The following LMF1 variants were observed in gnomAD, a reference collection of about 807,000 sequenced individuals.
LMF1 encodes the protein transmembrane protein 112.
Under a neutral mutation model 60.6 loss-of-function variants are expected in LMF1, and 68 were observed. The observed-to-expected ratio is 1.12, with a 90% CI of 0.92 to 1.37. LMF1 has a LOEUF of 1.37. Ranked by LOEUF, LMF1 falls within the 40% of genes most tolerant of loss-of-function variation. The pLI is 0.00. For missense variants in LMF1, 948 were observed against 767.2 expected (o/e 1.24, Z -2.78); for synonymous variants, 418 against 324.7 (o/e 1.29, Z -3.09).
chr16:956,164 G>A (rs1179804528), intron 1 of LMF1, among the ~76,000 whole-genome samples: 27 of 115,992 alleles, frequency 2.3e-4, no homozygotes, highest in Non-Finnish European at 3.2e-4. Context: ...CATGTCTCAC[G>A]GCGCCCACCC....
chr16:895,800 G>A (rs2070646540), intron 4 of LMF1, among the ~76,000 whole-genome samples: 1 of 152,214 alleles, frequency 6.6e-6, no homozygotes, highest in Non-Finnish European at 1.5e-5. Flanking sequence ...CGTCACGTGA[G>A]CCAGACGGGA....
At chr16:974,797 G>A (rs2073104723), upstream of LMF1, among the ~76,000 whole-genome samples, 1 of 152,240 alleles carries the variant, frequency 6.6e-6, no homozygotes, top group East Asian at 1.9e-4. Flanking sequence ...CCTCCTCGGG[G>A]CCATTGTCCC....
chr16:926,042 G>A (rs1015834884), intron 3 of LMF1, among the ~76,000 whole-genome samples: 2 of 152,116 alleles, frequency 1.3e-5, no homozygotes, highest in Non-Finnish European at 1.5e-5. Flanking sequence ...ACCTGTGTGC[G>A]CATGTGTGCA....
chr16:949,780 T>C (rs368237659), intron 2 of LMF1, among the ~76,000 whole-genome samples: 28 of 80,256 alleles, frequency 3.5e-4, no homozygotes, highest in Middle Eastern at 0.011. Context: ...AGTCAGCCAA[T>C]GACAGAGTCA....
chr16:947,691 CG>C (rs1874769007), intron 2 of LMF1: 2 of 415,472 alleles, frequency 4.8e-6, no homozygotes, highest in Admixed American at 5.4e-5. Flanking sequence ...GCGGTGCTGC[CG>C]TGCTGAAGAG....
intron 3 of LMF1, among the ~76,000 whole-genome samples, chr16:919,475 G>A (rs945408366): frequency 8.1e-5 from 7 of 86,092 alleles, no homozygotes; most frequent in African/African-American, 5.0e-4. Context: ...CAGCGCTCGC[G>A]TGAGGACAGC....
At chr16:911,256 G>A (rs2071105076) in intron 3 of LMF1, 177 bp from the exon 4 acceptor site, 1 of 788,002 alleles carries the variant, frequency 1.3e-6, no homozygotes, top group South Asian at 1.5e-5. Context: ...CAGGTCTGCA[G>A]GAGTGGGAGC....
At chr16:971,092 A>C, upstream of LMF1, 14 of 1,112,036 alleles carry the variant, frequency 1.3e-5, no homozygotes, top group Non-Finnish European at 1.5e-5. Context: ...GGCCCCACCC[A>C]CACCCCGGGA....
intron 3 of LMF1, among the ~76,000 whole-genome samples, chr16:914,369 C>A (rs1268769938): frequency 6.6e-6 from 1 of 152,114 alleles, no homozygotes; most frequent in Non-Finnish European, 1.5e-5. Flanking sequence ...GCTCCCCACA[C>A]CCGACCTTCC....
intron 1 of LMF1, chr16:979,880 G>A (rs2073293033): frequency 2.5e-6 from 1 of 405,196 alleles, no homozygotes; most frequent in Non-Finnish European, 5.0e-6. Context: ...GATGAGTTCC[G>A]CGGGCGCCCC....
chr16:973,738 C>T (rs946008570), upstream of LMF1, among the ~76,000 whole-genome samples: 8 of 152,222 alleles, frequency 5.3e-5, no homozygotes, highest in Admixed American at 1.3e-4. Flanking sequence ...CCGGGGCTCA[C>T]GCCTGTAATC....
In LMF1 at chr16:870,188, C is replaced by A. The variant is rs915965416; in HGVS notation, c.1233-122G>T. On this transcript the variant is annotated intron_variant, in intron 8 of 10. Transcript: ENST00000262301. ...CCCAGGGGGAGGGCTACAGCCTCCA[C>A]CTGCCTCCTGGTCAGGGGCTACTGA... 6 of 1,131,400 alleles carry A rather than the reference C, an allele frequency of 5.3e-6. 1 individual carries two copies. The African/African-American group carries it at 9.3e-5, about 17-fold the overall frequency. The allele number at this position is 1,131,400 out of a possible 1,614,324, so 70.1% of individuals were successfully genotyped here. A position where few individuals can be genotyped will look rare whatever the true frequency, so the allele number is the denominator to read the frequency against.
intron 5 of LMF1, among the ~76,000 whole-genome samples, chr16:882,609 C>T (rs11861821): frequency 2.6e-5 from 4 of 152,206 alleles, no homozygotes; most frequent in African/African-American, 9.7e-5. Context: ...CATAACAGGA[C>T]CAGGAGAAAG....
chr16:930,016 C>T (rs940024811), intron 3 of LMF1, among the ~76,000 whole-genome samples: 3 of 149,040 alleles, frequency 2.0e-5, no homozygotes, highest in African/African-American at 5.0e-5. Flanking sequence ...CAGCAGTGGT[C>T]GCGTCCGTGT....
At chr16:862,109 C>T (rs1024717630) in intron 10 of LMF1, among the ~76,000 whole-genome samples, 2 of 152,120 alleles carry the variant, frequency 1.3e-5, no homozygotes, top group Admixed American at 6.5e-5. Context: ...AACCTTCATC[C>T]CTGGAATAAT....
At chr16:970,581 G>A (rs1187726887) in intron 1 of LMF1, among the ~76,000 whole-genome samples, 1 of 152,190 alleles carries the variant, frequency 6.6e-6, no homozygotes, top group Non-Finnish European at 1.5e-5. Context: ...GAGGCTCGAG[G>A]CGGCGACAGG....
intron 5 of LMF1, among the ~76,000 whole-genome samples, chr16:881,173 G>A (rs557710951): frequency 1.8e-4 from 28 of 152,256 alleles, no homozygotes; most frequent in African/African-American, 5.8e-4. Flanking sequence ...TGTGGGAAGC[G>A]CAGGAGAGGC....
chr16:914,497 C>T (rs1186809077), intron 3 of LMF1, among the ~76,000 whole-genome samples: 1 of 152,048 alleles, frequency 6.6e-6, no homozygotes, highest in African/African-American at 2.4e-5. Flanking sequence ...CAGACACGCT[C>T]CCTCCCTCCC....
intron 2 of LMF1, among the ~76,000 whole-genome samples, chr16:953,878 CCCCAAACCAGCCTCCT>C (rs1567311365): frequency 2.6e-5 from 2 of 76,838 alleles, no homozygotes; most frequent in African/African-American, 1.1e-4. Context: ...CACACAGACA[CCCCAAACCAGCCTCCT>C]ACACGTCCAC....
Sources: gnomAD v4.1 joint callset for allele counts (sites outside exome capture counted in the v4.1 genomes callset) on GRCh38, gnomAD v4.1.1 for gene constraint, MANE v1.5 for transcripts, NCBI Gene and HGNC (gene_info 2026-07-23, HGNC 2026-07-21) for gene names.